LRRC8D: variants seen among roughly 807,000 people sequenced by gnomAD.
LRRC8D encodes the protein volume-regulated anion channel subunit LRRC8D.
Under a neutral mutation model 55.8 loss-of-function variants are expected in LRRC8D, and 20 were observed. The observed-to-expected ratio is 0.36, with a 90% CI of 0.25 to 0.52. LRRC8D has a LOEUF of 0.52. LRRC8D is among the 20% of genes least tolerant of loss of function. The probability of loss-of-function intolerance (pLI) is 0.93; values close to 1 mark genes in which losing one functional copy is unlikely to be tolerated. For missense variants in LRRC8D, 651 were observed against 1,030.8 expected (o/e 0.63, Z 5.05); for synonymous variants, 352 against 377.0 (o/e 0.93, Z 0.77).
At chr1:89,850,395 C>T (rs1661383719) in intron 2 of LRRC8D, among the ~76,000 whole-genome samples, 1 of 152,016 alleles carries the variant, frequency 6.6e-6, no homozygotes, top group African/African-American at 2.4e-5. Flanking sequence ...AGCCTAGTAC[C>T]CATTAGTTAT....
chr1:89,869,375 T>G (rs1182575893), intron 2 of LRRC8D, among the ~76,000 whole-genome samples: 1 of 152,154 alleles, frequency 6.6e-6, no homozygotes, highest in Non-Finnish European at 1.5e-5. Flanking sequence ...CAGGATCAAC[T>G]TAATGAAATA....
At chr1:89,854,375 C>T (rs1400435854) in intron 2 of LRRC8D, among the ~76,000 whole-genome samples, 1 of 108,914 alleles carries the variant, frequency 9.2e-6, no homozygotes, top group African/African-American at 2.7e-5. Context: ...TAGGTGCTGA[C>T]GGAGGATTTT....
chr1:89,882,999 T>A (rs78446130), intron 2 of LRRC8D, among the ~76,000 whole-genome samples: 1,721 of 151,576 alleles, frequency 0.011, 38 homozygotes, highest in African/African-American at 0.04. Flanking sequence ...GTCAAGGGAG[T>A]TTAGACTTTA....
chr1:89,834,125 A>G (rs1463942496), intron 1 of LRRC8D, among the ~76,000 whole-genome samples: 2 of 152,258 alleles, frequency 1.3e-5, no homozygotes, highest in African/African-American at 4.8e-5. Context: ...GGGAGTACAA[A>G]TAGAATAGGA....
At chr1:89,919,475 A>G (rs1021616211) in intron 2 of LRRC8D, among the ~76,000 whole-genome samples, 2 of 152,236 alleles carry the variant, frequency 1.3e-5, no homozygotes, top group Admixed American at 6.5e-5. Flanking sequence ...TGCCAGGTAT[A>G]TGCTAGAAGA....
chr1:89,931,258 GAAAAAAAA>G (rs772353702), intron 2 of LRRC8D, among the ~76,000 whole-genome samples: 1 of 70,488 alleles, frequency 1.4e-5, no homozygotes, highest in African/African-American at 5.2e-5. Context: ...AAGGGTTTCG[GAAAAAAAA>G]AAAAAAAAAA....
intron 2 of LRRC8D, among the ~76,000 whole-genome samples, chr1:89,844,717 G>A (rs180758100): frequency 1.3e-5 from 2 of 152,172 alleles, no homozygotes; most frequent in Admixed American, 6.5e-5. Flanking sequence ...TATTTCCCTG[G>A]CAGGTCCAAT....
At chr1:89,892,685 A>T (rs548786492) in intron 2 of LRRC8D, among the ~76,000 whole-genome samples, 2 of 152,070 alleles carry the variant, frequency 1.3e-5, no homozygotes, top group East Asian at 3.9e-4. Flanking sequence ...CGCCCAGCTA[A>T]TTTTTTTGTA....
chr1:89,934,052 C>T lies in LRRC8D; in HGVS notation c.984C>T (p.Asn328=), dbSNP rs1663776819. The part of the protein sequence containing the change: ...KFIFILCYTA[N]FVNAISFEHV... Reference sequence around the variant, plus strand: ...TTTTTATTCTCTGCTATACAGCGAACTTTGTCAACGCAATCAGCTTTGAAC... The same window carrying T: ...TTTTTATTCTCTGCTATACAGCGAATTTTGTCAACGCAATCAGCTTTGAAC... Residue 328 remains asparagine (N), a synonymous_variant, in exon 3 of 3, where the codon AAC becomes AAT. Transcript: ENST00000337338. The surrounding 1 kb of genome is among the most constrained non-coding windows in gnomAD (Gnocchi z 5.9). 3 of 1,614,060 alleles carry T rather than the reference C, an allele frequency of 1.9e-6. No homozygotes were observed. The highest frequency in any genetic ancestry group is 2.7e-5 in the African/African-American group (2 of 74,922).
intron 1 of LRRC8D, among the ~76,000 whole-genome samples, chr1:89,833,335 G>A (rs182636333): frequency 6.6e-6 from 1 of 152,304 alleles, no homozygotes; most frequent in Admixed American, 6.5e-5. Flanking sequence ...TAAAACGCTG[G>A]ACTGATCATT....
intron 2 of LRRC8D, among the ~76,000 whole-genome samples, chr1:89,925,811 G>GGTATTGAATTAATAAA (rs1663547947): frequency 1.3e-5 from 2 of 152,214 alleles, no homozygotes; most frequent in Non-Finnish European, 2.9e-5. Context: ...TGGTATAACA[G>GGTATTGAATTAATAAA]ATGCATTAAT....
intron 2 of LRRC8D, among the ~76,000 whole-genome samples, chr1:89,873,276 T>C (rs2100828653): frequency 6.6e-6 from 1 of 152,350 alleles, no homozygotes; most frequent in South Asian, 2.1e-4. Flanking sequence ...TCTGTATTAA[T>C]TTCTGTGTTA....
intron 2 of LRRC8D, among the ~76,000 whole-genome samples, chr1:89,876,336 A>G (rs969813994): frequency 6.6e-6 from 1 of 152,118 alleles, no homozygotes; most frequent in Admixed American, 6.5e-5. Context: ...CGTGGGGCTC[A>G]TTTACCATAC....
At chr1:89,868,679 C>T (rs914555790) in intron 2 of LRRC8D, among the ~76,000 whole-genome samples, 7 of 152,106 alleles carry the variant, frequency 4.6e-5, no homozygotes, top group African/African-American at 1.7e-4. Flanking sequence ...TACTCTTATT[C>T]CTGTATTACA....
In LRRC8D at chr1:89,934,686, A is replaced by C. The variant is rs1663791909; in HGVS notation, c.1618A>C (p.Arg540=). The C allele has an allele frequency of 6.2e-7, 1 of 1,614,088 alleles. No individual in the cohort carries two copies. The highest frequency in any genetic ancestry group is 1.7e-5 in the Admixed American group (1 of 60,006). ...TTTTAGCTTTCTTCGCGATCACTTG[A>C]GATGCCTTCACGTGAAGTTCACTGA... ...TAFSFLRDHL[R]CLHVKFTDVA... The change falls in exon 3 of 3, where the codon AGA becomes CGA. Residue 540 remains arginine, a synonymous_variant. Coordinates refer to ENST00000337338, the MANE Select transcript of LRRC8D (RefSeq NM_001134479.2). This position sits in a 1 kb window ranked among gnomAD's most constrained non-coding sequence, Gnocchi z 5.9.
At chr1:89,924,606 T>C (rs1392458229) in intron 2 of LRRC8D, among the ~76,000 whole-genome samples, 1 of 152,228 alleles carries the variant, frequency 6.6e-6, no homozygotes, top group Admixed American at 6.5e-5. Flanking sequence ...AAAAAAGATG[T>C]GTACTTGTAT....
In LRRC8D at chr1:89,896,404, G is replaced by A. The variant is rs539214624; in HGVS notation, c.-2-36663G>A. Among the ~76,000 whole-genome samples the A allele has an allele frequency of 3.6e-4, 55 of 152,310 alleles. 1 individual carries two copies. The highest frequency in any genetic ancestry group is 9.1e-4 in the Admixed American group (14 of 15,304). On this transcript the variant is annotated intron_variant, in intron 2 of 2. Transcript: ENST00000337338. ...GTTTATGTGCCTGGCTCGTGGTCAC[G>A]TAGCTAGTGGCCAAGCAGGACCTAG...
At chr1:89,888,899 C>T (rs1237151228) in intron 2 of LRRC8D, among the ~76,000 whole-genome samples, 1 of 152,158 alleles carries the variant, frequency 6.6e-6, no homozygotes, top group East Asian at 1.9e-4. Context: ...ATGATTGAAT[C>T]AATAAATAAA....
chr1:89,851,008 T>C (rs991920773), intron 2 of LRRC8D, among the ~76,000 whole-genome samples: 1 of 152,168 alleles, frequency 6.6e-6, no homozygotes, highest in African/African-American at 2.4e-5. Context: ...TATTGTTTAA[T>C]TTCCTTACTT....
Sources: allele counts gnomAD v4.1 joint callset (sites outside exome capture counted in the v4.1 genomes callset), GRCh38; gene constraint gnomAD v4.1.1; non-coding constraint Gnocchi (gnomAD v3.1); transcripts MANE v1.5; gene names NCBI Gene and HGNC (gene_info 2026-07-23, HGNC 2026-07-21).